Variants in TMPRSS15 observed in about 807,000 individuals in gnomAD.
TMPRSS15 encodes the protein enteropeptidase.
Under a neutral mutation model 125.3 loss-of-function variants are expected in TMPRSS15, and 128 were observed. The ratio of observed to expected loss-of-function variants is 1.02; its 90% confidence interval spans 0.89 to 1.18. The LOEUF (loss-of-function observed/expected upper bound fraction) is 1.18, where lower values mean the gene tolerates loss of function less well. Ranked by LOEUF, TMPRSS15 falls within the 50% of genes most tolerant of loss-of-function variation. The pLI, the probability that TMPRSS15 is intolerant of heterozygous loss-of-function variation, is 0.00. For missense variants in TMPRSS15, 1,283 were observed against 1,212.7 expected (o/e 1.06, Z -0.86); for synonymous variants, 446 against 423.2 (o/e 1.05, Z -0.66).
At chr21:18,374,578 G>A (rs1440554794) in intron 5 of TMPRSS15, among the ~76,000 whole-genome samples, 2 of 151,694 alleles carry the variant, frequency 1.3e-5, no homozygotes, top group Non-Finnish European at 2.9e-5. Flanking sequence ...AGGCATAGTA[G>A]GAAGGCAGTT....
At chr21:18,362,233 G>C (rs2147026487) in intron 7 of TMPRSS15, among the ~76,000 whole-genome samples, 1 of 152,276 alleles carries the variant, frequency 6.6e-6, no homozygotes, top group East Asian at 1.9e-4. Flanking sequence ...GAGCCTGCTG[G>C]TGAGACCTTT....
chr21:18,386,602 T>G (rs1033714540), intron 3 of TMPRSS15, among the ~76,000 whole-genome samples: 3 of 152,172 alleles, frequency 2.0e-5, no homozygotes, highest in Admixed American at 2.0e-4. Flanking sequence ...TTCCTCCTAC[T>G]CCTTTTTCTT....
chr21:18,349,151 T>G (rs1453978653), intron 10 of TMPRSS15, among the ~76,000 whole-genome samples: 1 of 152,188 alleles, frequency 6.6e-6, no homozygotes, highest in Non-Finnish European at 1.5e-5. Context: ...GAAAGAAACA[T>G]TTTATTTGAG....
chr21:18,463,246 CAAAAAAAAAAAAAAA>C (rs2122910995), intron 1 of TMPRSS15, among the ~76,000 whole-genome samples: 36 of 11,520 alleles, frequency 3.1e-3, no homozygotes, highest in Admixed American at 0.031. Flanking sequence ...AAATGGAAAG[CAAAAAAAAAAAAAAA>C]AAAAAAAAAA....
intron 4 of TMPRSS15, 96 bp downstream of exon 4, chr21:18,383,531 A>C: frequency 7.1e-7 from 1 of 1,418,368 alleles, no homozygotes; most frequent in Non-Finnish European, 9.7e-7. Flanking sequence ...CATGTTCCTA[A>C]GGTCAAGCAT....
chr21:18,386,308 C>T (rs1190077353), intron 3 of TMPRSS15, among the ~76,000 whole-genome samples: 1 of 151,966 alleles, frequency 6.6e-6, no homozygotes. Flanking sequence ...AATCTGTTTC[C>T]CTAATGTGTT....
intron 1 of TMPRSS15, among the ~76,000 whole-genome samples, chr21:18,465,115 T>C (rs2122955211): frequency 4.6e-5 from 7 of 151,998 alleles, no homozygotes; most frequent in Admixed American, 4.6e-4. Flanking sequence ...CATACACAAA[T>C]CAATAAATGT....
chr21:18,321,617 C>T (rs969125971), intron 16 of TMPRSS15, among the ~76,000 whole-genome samples: 1 of 152,130 alleles, frequency 6.6e-6, no homozygotes, highest in Non-Finnish European at 1.5e-5. Context: ...TCCCAAAGTG[C>T]TGGGGTTACG....
intron 10 of TMPRSS15, among the ~76,000 whole-genome samples, chr21:18,349,354 G>T (rs778723305): frequency 3.9e-5 from 6 of 152,148 alleles, no homozygotes; most frequent in Non-Finnish European, 7.3e-5. Context: ...ACAATACAGA[G>T]ATTTAGAAGC....
intron 18 of TMPRSS15, among the ~76,000 whole-genome samples, chr21:18,300,116 TCGTCTCTTGG>T (rs2074949346): frequency 6.6e-6 from 1 of 151,700 alleles, no homozygotes; most frequent in Admixed American, 6.6e-5. Flanking sequence ...TATCTATAGC[TCGTCTCTTGG>T]ATATATCCCC....
At chr21:18,280,296 G>T (rs1409330566) in intron 22 of TMPRSS15, among the ~76,000 whole-genome samples, 2 of 152,026 alleles carry the variant, frequency 1.3e-5, no homozygotes, top group Non-Finnish European at 2.9e-5. Flanking sequence ...TCCTATGAAG[G>T]CCGGGCACGG....
chr21:18,337,276 G>A (rs1300686672), intron 13 of TMPRSS15, among the ~76,000 whole-genome samples: 2 of 152,196 alleles, frequency 1.3e-5, no homozygotes, highest in Non-Finnish European at 2.9e-5. Flanking sequence ...TGGAAATAAA[G>A]AGTGAATATT....
chr21:18,433,906 T>C (rs1195962036), intron 1 of TMPRSS15, among the ~76,000 whole-genome samples: 1 of 152,128 alleles, frequency 6.6e-6, no homozygotes, highest in Non-Finnish European at 1.5e-5. Context: ...TTCTGGAATT[T>C]GTCCAGTTTG....
chr21:18,447,769 G>A (rs4816774), intron 1 of TMPRSS15, among the ~76,000 whole-genome samples: 31,772 of 151,946 alleles, frequency 0.21, 3,519 homozygotes, highest in East Asian at 0.33. Flanking sequence ...TGCAATGATC[G>A]TGAGGCCTCC....
At chr21:18,334,630 A>G (rs1436118883) in intron 13 of TMPRSS15, among the ~76,000 whole-genome samples, 2 of 152,192 alleles carry the variant, frequency 1.3e-5, no homozygotes, top group African/African-American at 4.8e-5. Context: ...TTGGGTAATT[A>G]CTATTATTAC....
At chr21:18,326,788 T>C (rs780545511) in intron 15 of TMPRSS15, among the ~76,000 whole-genome samples, 10 of 152,206 alleles carry the variant, frequency 6.6e-5, no homozygotes, top group African/African-American at 2.4e-4. Flanking sequence ...TTTCTTGAGG[T>C]TTGTGCAACT....
chr21:18,455,180 T>C (rs769346664), intron 1 of TMPRSS15, among the ~76,000 whole-genome samples: 1 of 152,188 alleles, frequency 6.6e-6, no homozygotes, highest in Non-Finnish European at 1.5e-5. Flanking sequence ...GTAAGTTTCA[T>C]GAGGCTTCCC....
In TMPRSS15 at chr21:18,413,292, C is replaced by T. The variant is rs867515902; in HGVS notation, c.11-14963G>A. Among the ~76,000 whole-genome samples the T allele has an allele frequency of 5.3e-3, 452 of 85,790 alleles. 6 individuals are homozygous for T. The highest frequency in any genetic ancestry group is 0.02 in the African/African-American group (437 of 21,742). 56.3% of individuals were successfully genotyped at this position (85,790 alleles called of 152,430 possible). A position where few individuals can be genotyped will look rare whatever the true frequency, so the allele number is the denominator to read the frequency against. ...TCTTTCTTTTTCTTTTTCTTTCTTT[C>T]TTTTCTTTCTTTTCTTTCTTTTCCT... On this transcript the variant is annotated intron_variant, in intron 1 of 7. Transcript: ENST00000422787.
chr21:18,364,265 G>C (rs74581367), intron 7 of TMPRSS15, among the ~76,000 whole-genome samples: 1 of 151,984 alleles, frequency 6.6e-6, no homozygotes, highest in Non-Finnish European at 1.5e-5. Context: ...ATCCCATCTA[G>C]CTATTAATAG....
Sources: allele counts gnomAD v4.1 joint callset (sites outside exome capture counted in the v4.1 genomes callset), GRCh38; gene constraint gnomAD v4.1.1; transcripts MANE v1.5; gene names NCBI Gene and HGNC (gene_info 2026-07-23, HGNC 2026-07-21).